Variants in CNOT2 observed in about 807,000 individuals in gnomAD.
CNOT2 encodes the protein CCR4-NOT transcription complex subunit 2, also known as CC chemokine receptor 4-negative regulator of transcription 2.
CNOT2 carries 7 observed loss-of-function variants against 72.1 expected under a neutral mutation model. That is an observed-to-expected ratio of 0.10 (90% CI 0.06 to 0.18). The LOEUF is 0.18. Ranked by LOEUF, CNOT2 falls within the 10% of genes least tolerant of loss-of-function variation. The pLI, the probability that CNOT2 is intolerant of heterozygous loss-of-function variation, is 1.00. For missense variants in CNOT2, 345 were observed against 660.3 expected (o/e 0.52, Z 5.23); for synonymous variants, 196 against 225.6 (o/e 0.87, Z 1.17).
intron 2 of CNOT2, among the ~76,000 whole-genome samples, chr12:70,308,780 A>G (rs1875932118): frequency 6.6e-6 from 1 of 152,140 alleles, no homozygotes; most frequent in South Asian, 2.1e-4. Flanking sequence ...GGAGTCTATA[A>G]TGGTCTTGAT....
intron 13 of CNOT2, 124 bp downstream of exon 13, chr12:70,342,431 T>C: frequency 9.0e-7 from 1 of 1,115,650 alleles, no homozygotes; most frequent in East Asian, 2.5e-5. Flanking sequence ...TGCTTTCATA[T>C]GTCCATGTTA....
At chr12:70,254,669 A>G (rs1346684683) in intron 1 of CNOT2, among the ~76,000 whole-genome samples, 3 of 152,112 alleles carry the variant, frequency 2.0e-5, no homozygotes, top group Non-Finnish European at 4.4e-5. Flanking sequence ...CCCTTTATGC[A>G]TTTTTATTTA....
At chr12:70,341,292 T>C (rs1881477200) in intron 11 of CNOT2, among the ~76,000 whole-genome samples, 1 of 152,170 alleles carries the variant, frequency 6.6e-6, no homozygotes, top group South Asian at 2.1e-4. Flanking sequence ...CCAGCTTCAC[T>C]GGCCACCTTG....
At chr12:70,336,967 C>T (rs1157810539) in intron 8 of CNOT2, 2 of 154,214 alleles carry the variant, frequency 1.3e-5, no homozygotes, top group Non-Finnish European at 2.9e-5. Context: ...TTGCAATTTG[C>T]TCACTCTGTA....
At chr12:70,259,652 A>T (rs1334820076) in intron 1 of CNOT2, among the ~76,000 whole-genome samples, 1 of 152,112 alleles carries the variant, frequency 6.6e-6, no homozygotes, top group African/African-American at 2.4e-5. Flanking sequence ...TAATTTCATG[A>T]CTTATTTATG....
At chr12:70,262,056 ACT>A (rs1006097117) in intron 1 of CNOT2, among the ~76,000 whole-genome samples, 4 of 151,978 alleles carry the variant, frequency 2.6e-5, no homozygotes, top group Middle Eastern at 3.4e-3. Flanking sequence ...GTAGTAATGT[ACT>A]GTTTCTTTCC....
chr12:70,293,569 AG>A (rs1872311963), intron 2 of CNOT2, among the ~76,000 whole-genome samples: 1 of 151,760 alleles, frequency 6.6e-6, no homozygotes, highest in Non-Finnish European at 1.5e-5. Context: ...TTTTTGATGG[AG>A]GGGTCCTTAT....
At chr12:70,244,820 T>G (rs575637784) in intron 1 of CNOT2, among the ~76,000 whole-genome samples, 1 of 152,312 alleles carries the variant, frequency 6.6e-6, no homozygotes, top group Non-Finnish European at 1.5e-5. Flanking sequence ...CCAACTTGAA[T>G]TTAAGGTTCA....
chr12:70,354,056 A>C lies in CNOT2; in HGVS notation c.*141A>C, dbSNP rs912982995. On this transcript the variant is annotated 3_prime_UTR_variant, in exon 16 of 16. Coordinates refer to ENST00000229195, the MANE Select transcript of CNOT2 (RefSeq NM_014515.7). The stretch of plus-strand genomic sequence containing the variant: ...TGAGGATCTGGCAATTGGCTTACGC[A>C]AAAGGTCACCATTTGAGGTCCTGCC... 1.1e-5 allele frequency: 15 copies of C among 1,383,544 alleles called. No homozygotes were observed. Among genetic ancestry groups the C allele is most frequent in the South Asian group, 1.8e-5 (1 of 55,796 alleles). 85.7% of individuals were successfully genotyped at this position (1,383,544 alleles called of 1,614,324 possible).
In CNOT2 at chr12:70,334,108, A is replaced by G. The variant is rs545111214; in HGVS notation, c.649+1262A>G. ...TATTAACTTTATTAGGTTGAAACATAGTCTCAAATAATAAATGGCAAATTT... is the reference window on the plus strand; with the variant it reads ...TATTAACTTTATTAGGTTGAAACATGGTCTCAAATAATAAATGGCAAATTT... On this transcript the variant is annotated intron_variant, in intron 7 of 15. Transcript: ENST00000229195. Among the ~76,000 whole-genome samples the G allele has an allele frequency of 1.1e-4, 17 of 152,152 alleles. No homozygotes were observed. The East Asian group carries it at 3.3e-3, about 29-fold the overall frequency.
At position 70,336,471 on chromosome 12, in the gene CNOT2, T is replaced by C. The variant is rs531515945; in HGVS notation, c.775+908T>C. On this transcript the variant is annotated intron_variant, in intron 8 of 15. Coordinates refer to ENST00000229195, the MANE Select transcript of CNOT2 (RefSeq NM_014515.7). The stretch of plus-strand genomic sequence containing the variant: ...TAGAGACCAGTAACAAAACGGTGAA[T>C]TTAAAAGAATCAGTTCATCCATTAT... 4.6e-5 allele frequency: 7 copies of C among 152,202 alleles called. No homozygotes were observed. In the South Asian group the frequency reaches 1.2e-3, roughly 27 times the overall value. The allele number at this position is 152,202 out of a possible 1,614,324, so 9.4% of individuals were successfully genotyped here.
intron 3 of CNOT2, among the ~76,000 whole-genome samples, chr12:70,315,153 C>T (rs149124923): frequency 0.095 from 14,517 of 152,096 alleles, 897 homozygotes; most frequent in Middle Eastern, 0.19. Flanking sequence ...TGTGAGCCAC[C>T]GTGCCTGGCC....
chr12:70,289,996 A>T (rs920247787), intron 2 of CNOT2, among the ~76,000 whole-genome samples: 1 of 152,060 alleles, frequency 6.6e-6, no homozygotes, highest in Admixed American at 6.5e-5. Flanking sequence ...TAAGTTACTT[A>T]TAATAGAAGC....
At chr12:70,295,845 GA>G (rs1872721526) in intron 2 of CNOT2, among the ~76,000 whole-genome samples, 1 of 152,088 alleles carries the variant, frequency 6.6e-6, no homozygotes, top group Non-Finnish European at 1.5e-5. Flanking sequence ...GTTCAAATGT[GA>G]ATCTATATAA....
intron 2 of CNOT2, among the ~76,000 whole-genome samples, chr12:70,288,443 C>T (rs1469220143): frequency 6.6e-6 from 1 of 152,142 alleles, no homozygotes; most frequent in East Asian, 1.9e-4. Context: ...AGCCACCGCT[C>T]TCAGCCAGGG....
chr12:70,269,275 CTTTTTTTTTTTAAGCTT>C (rs1025138281), intron 1 of CNOT2, among the ~76,000 whole-genome samples: 31 of 141,108 alleles, frequency 2.2e-4, no homozygotes, highest in African/African-American at 8.1e-4. Flanking sequence ...CGCTCTGAAG[CTTTTTTTTTTTAAGCTT>C]TTTTTTTTTT....
chr12:70,266,138 C>G (rs1959030142), intron 1 of CNOT2, among the ~76,000 whole-genome samples: 2 of 151,356 alleles, frequency 1.3e-5, no homozygotes, highest in Non-Finnish European at 2.9e-5. Context: ...ACAGAGTTCT[C>G]TCTTGTTGCC....
intron 1 of CNOT2, chr12:70,244,031 A>G (rs1291622783): frequency 6.6e-6 from 1 of 152,152 alleles, no homozygotes; most frequent in Non-Finnish European, 1.5e-5. Context: ...TCTGCCAGTT[A>G]TGTGTATTTC....
intron 2 of CNOT2, among the ~76,000 whole-genome samples, chr12:70,279,619 C>T (rs1869466409): frequency 1.3e-5 from 2 of 152,284 alleles, no homozygotes; most frequent in African/African-American, 4.8e-5. Context: ...ACTTCTTGGA[C>T]TTCTGCATCT....
Sources: allele counts gnomAD v4.1 joint callset (sites outside exome capture counted in the v4.1 genomes callset), GRCh38; gene constraint gnomAD v4.1.1; transcripts MANE v1.5; gene names NCBI Gene and HGNC (gene_info 2026-07-23, HGNC 2026-07-21).